ACYP2: variants seen among roughly 807,000 people sequenced by gnomAD.
ACYP2 encodes the protein acylphosphatase-2.
A neutral mutation model predicts 11.2 loss-of-function variants in ACYP2; 12 were observed. The ratio of observed to expected loss-of-function variants is 1.08; its 90% CI spans 0.69 to 1.74. The LOEUF is 1.74. ACYP2 is among the 40% of genes most tolerant of loss of function. The pLI is 0.00. For synonymous variants in ACYP2, 43 were observed against 32.2 expected (o/e 1.33, Z -1.13); for missense variants, 134 against 101.9 (o/e 1.31, Z -1.35).
chr2:54,084,116 C>T (rs1677816958), intron 4 of ACYP2, among the ~76,000 whole-genome samples: 1 of 152,068 alleles, frequency 6.6e-6, no homozygotes, highest in Admixed American at 6.6e-5. Context: ...AGGTTCAGCT[C>T]CTTACATGGG....
At chr2:54,222,402 T>G (rs1685834760) in intron 6 of ACYP2, among the ~76,000 whole-genome samples, 1 of 151,808 alleles carries the variant, frequency 6.6e-6, no homozygotes, top group East Asian at 1.9e-4. Flanking sequence ...ATACAAAAAT[T>G]AGCCAGTTGT....
At chr2:54,117,953 A>T (rs150804079) in intron 4 of ACYP2, among the ~76,000 whole-genome samples, 65 of 152,072 alleles carry the variant, frequency 4.3e-4, no homozygotes, top group African/African-American at 1.5e-3. Flanking sequence ...CCCAGAATCC[A>T]TTGTATCATT....
intron 2 of ACYP2, among the ~76,000 whole-genome samples, chr2:53,974,818 G>T (rs1671387627): frequency 6.6e-6 from 1 of 152,152 alleles, no homozygotes; most frequent in Non-Finnish European, 1.5e-5. Flanking sequence ...ATTCTCTAGA[G>T]ATAATTGAGT....
chr2:54,005,996 C>G (rs184738234), intron 2 of ACYP2, among the ~76,000 whole-genome samples: 16 of 152,226 alleles, frequency 1.1e-4, no homozygotes, highest in African/African-American at 3.9e-4. Flanking sequence ...ATAGGCCGGG[C>G]GTGGTGAGAC....
rs115954430 is a variant in ACYP2 at position 54,041,853 on chromosome 2, C to T, written c.63-9105C>T. 2.2e-3 allele frequency among the ~76,000 whole-genome samples: 331 copies of T among 152,106 alleles called. 1 individual carries two copies. The highest frequency in any genetic ancestry group is 3.4e-3 in the Non-Finnish European group (230 of 67,966). On this transcript the variant is annotated intron_variant, in intron 2 of 6. Coordinates refer to ENST00000607452, the MANE Select transcript of ACYP2 (RefSeq NM_001320586.2). ...TTGCCCACGTTGGAGTACACTGGCACGATCACAGCTCACTGCAGCCTCAAC... is the reference window on the plus strand; with the variant it reads ...TTGCCCACGTTGGAGTACACTGGCATGATCACAGCTCACTGCAGCCTCAAC...
chr2:54,252,216 G>C (rs1687259203), intron 6 of ACYP2, among the ~76,000 whole-genome samples: 1 of 152,146 alleles, frequency 6.6e-6, no homozygotes, highest in African/African-American at 2.4e-5. Context: ...ATATTTGTGA[G>C]ATTCATTCAT....
intron 6 of ACYP2, among the ~76,000 whole-genome samples, chr2:54,156,588 T>A (rs1353345872): frequency 2.0e-5 from 3 of 152,230 alleles, no homozygotes; most frequent in Non-Finnish European, 4.4e-5. Flanking sequence ...GCAAAGGACA[T>A]GAGTTCATTT....
At chr2:54,244,004 G>C (rs1040678803) in intron 6 of ACYP2, among the ~76,000 whole-genome samples, 1 of 151,878 alleles carries the variant, frequency 6.6e-6, no homozygotes, top group Non-Finnish European at 1.5e-5. Flanking sequence ...TGAGTTAGTA[G>C]AGATAGTTTC....
At chr2:54,288,556 A>C (rs552674372) in intron 6 of ACYP2, among the ~76,000 whole-genome samples, 1 of 152,212 alleles carries the variant, frequency 6.6e-6, no homozygotes, top group South Asian at 2.1e-4. Context: ...AAATTATTTT[A>C]TAAATGGCTG....
chr2:54,022,046 A>C (rs1674033544), intron 2 of ACYP2, among the ~76,000 whole-genome samples: 1 of 152,164 alleles, frequency 6.6e-6, no homozygotes, highest in Admixed American at 6.5e-5. Flanking sequence ...GCTTTCCCCC[A>C]CAACTTCCTA....
At chr2:54,001,711 C>T (rs975887030) in intron 2 of ACYP2, among the ~76,000 whole-genome samples, 1 of 152,176 alleles carries the variant, frequency 6.6e-6, no homozygotes, top group Non-Finnish European at 1.5e-5. Flanking sequence ...CTTATTTCTG[C>T]GTCCTATTCC....
intron 6 of ACYP2, among the ~76,000 whole-genome samples, chr2:54,184,714 A>T (rs552569801): frequency 6.6e-6 from 1 of 152,348 alleles, no homozygotes; most frequent in East Asian, 1.9e-4. Context: ...ACAATTTACT[A>T]GCCCTTGCTG....
chr2:54,294,914 T>A (rs1233403357), intron 6 of ACYP2, among the ~76,000 whole-genome samples: 1 of 94,598 alleles, frequency 1.1e-5, no homozygotes, highest in African/African-American at 6.1e-5. Flanking sequence ...AGATCCTGTC[T>A]CTTAAAAAAA....
At chr2:54,032,371 G>T (rs538834732) in intron 2 of ACYP2, among the ~76,000 whole-genome samples, 1 of 152,202 alleles carries the variant, frequency 6.6e-6, no homozygotes, top group South Asian at 2.1e-4. Context: ...AGCACCATTT[G>T]TTAAATAGGG....
At chr2:54,058,362 G>C (rs1189831255) in intron 4 of ACYP2, among the ~76,000 whole-genome samples, 1 of 150,194 alleles carries the variant, frequency 6.7e-6, no homozygotes, top group Non-Finnish European at 1.5e-5. Context: ...CTTCCCAGGG[G>C]CTTTTAAATC....
At chr2:54,212,771 A>C (rs1685379621) in intron 6 of ACYP2, among the ~76,000 whole-genome samples, 1 of 152,210 alleles carries the variant, frequency 6.6e-6, no homozygotes, top group African/African-American at 2.4e-5. Context: ...AATTACGTTT[A>C]TTTCATTTTG....
rs1684483250 is a variant in ACYP2, at chr2:54,196,429, C to CT, written c.404+57684dup. Among the ~76,000 whole-genome samples the CT allele has an allele frequency of 2.0e-5, 3 of 152,138 alleles. No individual in the cohort carries two copies. In the South Asian group the frequency reaches 6.2e-4, roughly 32 times the overall value. On this transcript the variant is annotated intron_variant, in intron 6 of 6. Coordinates refer to ENST00000607452, the MANE Select transcript of ACYP2 (RefSeq NM_001320586.2). ...TTCCCAAATGAGCCATGGATGTGTG[C>CT]TTTATATGGCTTTGTTTCTGTGGTA...
At chr2:54,260,651 A>G (rs1340470814) in intron 6 of ACYP2, among the ~76,000 whole-genome samples, 1 of 152,148 alleles carries the variant, frequency 6.6e-6, no homozygotes, top group African/African-American at 2.4e-5. Context: ...CCTAGGGAGA[A>G]TAAGCTAGAG....
intron 2 of ACYP2, among the ~76,000 whole-genome samples, chr2:53,995,419 C>T (rs1672523065): frequency 6.6e-6 from 1 of 151,902 alleles, no homozygotes; most frequent in African/African-American, 2.4e-5. Flanking sequence ...AATAATTAAA[C>T]TTAAAATATC....
Sources: gnomAD v4.1 joint callset for allele counts (sites outside exome capture counted in the v4.1 genomes callset) on GRCh38, gnomAD v4.1.1 for gene constraint, MANE v1.5 for transcripts, NCBI Gene and HGNC (gene_info 2026-07-23, HGNC 2026-07-21) for gene names.